DNAH14: variants seen among roughly 807,000 people sequenced by gnomAD.
DNAH14 encodes the protein axonemal beta dynein heavy chain 14.
In DNAH14, 478 loss-of-function variants were observed where a neutral mutation model predicts 520.9. The observed-to-expected ratio is 0.92, with a 90% confidence interval of 0.85 to 0.99. The LOEUF is 0.99. Among genes scored for constraint, DNAH14 ranks in the 50% least tolerant of loss-of-function variants. The pLI, the probability that DNAH14 is intolerant of heterozygous loss-of-function variation, is 0.00. For synonymous variants in DNAH14, 1,581 were observed against 1,757.2 expected (o/e 0.90, Z 2.51); for missense variants, 4,831 against 5,234.5 (o/e 0.92, Z 2.38).
At chr1:225,312,390 A>T (rs1193477449) in intron 60 of DNAH14, among the ~76,000 whole-genome samples, 1 of 152,162 alleles carries the variant, frequency 6.6e-6, no homozygotes, top group Non-Finnish European at 1.5e-5. Flanking sequence ...TCATCTGCAA[A>T]CAGAGACAAT....
At chr1:225,392,516 A>G in intron 84 of DNAH14, 65 bp downstream of exon 84, 1 of 1,530,430 alleles carries the variant, frequency 6.5e-7, no homozygotes, top group African/African-American at 1.4e-5. Flanking sequence ...CATTCAATCA[A>G]TTGTGCCCTT....
chr1:225,308,174 G>C, intron 59 of DNAH14, 111 bp from the exon 60 acceptor site: 1 of 1,116,018 alleles, frequency 9.0e-7, no homozygotes, highest in Non-Finnish European at 1.3e-6. Context: ...TATATTTCAG[G>C]CTGATTTTAG....
chr1:225,078,709 G>A (rs897571833), intron 17 of DNAH14, among the ~76,000 whole-genome samples: 18 of 151,194 alleles, frequency 1.2e-4, no homozygotes, highest in Admixed American at 4.6e-4. Flanking sequence ...TGCTGTTCTC[G>A]TGATAGAGTT....
At chr1:225,040,512 A>C (rs2067382278) in intron 12 of DNAH14, among the ~76,000 whole-genome samples, 1 of 152,212 alleles carries the variant, frequency 6.6e-6, no homozygotes, top group Non-Finnish European at 1.5e-5. Flanking sequence ...TGCAAAAATA[A>C]GCAAACACTC....
chr1:225,165,773 C>A (rs2081985357), intron 35 of DNAH14, among the ~76,000 whole-genome samples: 1 of 151,858 alleles, frequency 6.6e-6, no homozygotes, highest in Admixed American at 6.6e-5. Context: ...TTTGTAGAGA[C>A]AAGGTTTTGC....
At chr1:225,058,973 G>T (rs2069575424) in intron 17 of DNAH14, among the ~76,000 whole-genome samples, 1 of 151,822 alleles carries the variant, frequency 6.6e-6, no homozygotes, top group Non-Finnish European at 1.5e-5. Flanking sequence ...TTTTTGAATA[G>T]GTGTGGTGCT....
At chr1:225,354,367 A>C in intron 73 of DNAH14, 1 of 653,160 alleles carries the variant, frequency 1.5e-6, no homozygotes, top group Non-Finnish European at 2.8e-6. Flanking sequence ...TTATTAATAA[A>C]AGGATATTTT....
At chr1:225,006,930 G>C (rs2064220780) in intron 9 of DNAH14, among the ~76,000 whole-genome samples, 2 of 152,314 alleles carry the variant, frequency 1.3e-5, no homozygotes, top group South Asian at 2.1e-4. Context: ...CAGAGGCCCA[G>C]CTGTAAAATT....
chr1:224,986,318 TAAAAAAA>T (rs59261709), intron 8 of DNAH14, among the ~76,000 whole-genome samples: 2 of 87,880 alleles, frequency 2.3e-5, no homozygotes, highest in Admixed American at 1.2e-4. Flanking sequence ...AAAGGCTTAT[TAAAAAAA>T]AAAAAAAAAA....
At chr1:225,302,601 G>A (rs576918611) in intron 56 of DNAH14, among the ~76,000 whole-genome samples, 1 of 152,288 alleles carries the variant, frequency 6.6e-6, no homozygotes, top group Non-Finnish European at 1.5e-5. Context: ...CCCAGCAACA[G>A]CAGCAGCACA....
At position 225,337,447 on chromosome 1, in the gene DNAH14, C is replaced by T. The variant is rs577482635; in HGVS notation, c.10262C>T (p.Thr3421Ile). ...QKLSIEDSNY[T>I]KKIENAMKTG... Reference sequence around the variant, plus strand: ...CTCTCCATTGAAGACAGCAATTATACCAAAAAAATTGAAAATGCTATGAAG... The same window carrying T: ...CTCTCCATTGAAGACAGCAATTATATCAAAAAAATTGAAAATGCTATGAAG... Residue 3421 changes from threonine (T) to isoleucine (I), a missense_variant, in exon 67 of 86, where the codon ACC becomes ATC. By Grantham distance (89) the Thr-to-Ile change is moderately conservative. Transcript: ENST00000682510. 8.4e-6 allele frequency: 13 copies of T among 1,551,706 alleles called. No homozygotes were observed. The highest frequency in any genetic ancestry group is 1.7e-4 in the Middle Eastern group (1 of 5,994).
chr1:225,331,854 T>G (rs2094805283), intron 65 of DNAH14, among the ~76,000 whole-genome samples: 1 of 152,188 alleles, frequency 6.6e-6, no homozygotes. Context: ...AACCTTTCAA[T>G]GAAAATGTCA....
At chr1:225,049,500 T>C (rs74146620) in intron 15 of DNAH14, among the ~76,000 whole-genome samples, 3,776 of 152,232 alleles carry the variant, frequency 0.025, 127 homozygotes, top group African/African-American at 0.077. Flanking sequence ...ATCTGTGCCT[T>C]ATCTTTTCAT....
intron 60 of DNAH14, among the ~76,000 whole-genome samples, chr1:225,314,486 G>A (rs2094431587): frequency 6.6e-6 from 1 of 152,182 alleles, no homozygotes; most frequent in Non-Finnish European, 1.5e-5. Context: ...TATGATGCTA[G>A]CTGCAGTTTT....
chr1:225,127,702 A>G (rs1352941476), intron 27 of DNAH14, among the ~76,000 whole-genome samples: 6 of 152,174 alleles, frequency 3.9e-5, no homozygotes, highest in African/African-American at 1.4e-4. Context: ...CGTTTAGTCC[A>G]TTTACATTTA....
At chr1:225,198,684 T>C (rs2086451339) in intron 38 of DNAH14, among the ~76,000 whole-genome samples, 1 of 152,188 alleles carries the variant, frequency 6.6e-6, no homozygotes, top group East Asian at 1.9e-4. Context: ...CCTGCATCCC[T>C]GAAACCCACT....
rs188966753 is a variant in DNAH14, at chr1:225,102,804, G to T, written c.3867+1920G>T. 3.9e-5 allele frequency among the ~76,000 whole-genome samples: 6 copies of T among 152,244 alleles called. No homozygotes were observed. The East Asian group carries it at 9.6e-4, about 24-fold the overall frequency. The stretch of plus-strand genomic sequence containing the variant: ...TCTGGATATTAGCCCTTTGTTAGAT[G>T]AGTAGATTGCAAAAATTTTCTGCCA... On this transcript the variant is annotated intron_variant, in intron 23 of 85. Coordinates refer to ENST00000682510, the MANE Select transcript of DNAH14 (RefSeq NM_001367479.1).
chr1:224,987,466 A>T (rs754760047), intron 8 of DNAH14, among the ~76,000 whole-genome samples: 19 of 152,208 alleles, frequency 1.2e-4, no homozygotes, highest in Non-Finnish European at 2.2e-4. Context: ...GAGAAAAAGA[A>T]GCATATTTGT....
intron 73 of DNAH14, among the ~76,000 whole-genome samples, chr1:225,356,129 T>C (rs1356742550): frequency 6.6e-6 from 1 of 152,204 alleles, no homozygotes; most frequent in Non-Finnish European, 1.5e-5. Context: ...TGTTTCTGCC[T>C]TTTGGCTATT....
Sources: allele counts gnomAD v4.1 joint callset (sites outside exome capture counted in the v4.1 genomes callset), GRCh38; gene constraint gnomAD v4.1.1; transcripts MANE v1.5; gene names NCBI Gene and HGNC (gene_info 2026-07-23, HGNC 2026-07-21).